The following SRP54 variants were observed in gnomAD, a reference collection of about 807,000 sequenced individuals.
The protein encoded by SRP54 is signal recognition particle subunit SRP54.
Under a neutral mutation model 64.8 loss-of-function variants are expected in SRP54, and 10 were observed. The ratio of observed to expected loss-of-function variants is 0.15; its 90% confidence interval spans 0.10 to 0.26. The LOEUF (loss-of-function observed/expected upper bound fraction) is 0.26. SRP54 is among the 10% of genes least tolerant of loss of function. SRP54 has a pLI of 1.00. For synonymous variants in SRP54, 193 were observed against 185.6 expected (o/e 1.04, Z -0.32); for missense variants, 325 against 613.7 (o/e 0.53, Z 4.97).
At chr14:35,016,966 T>C (rs2044454044) in intron 11 of SRP54, among the ~76,000 whole-genome samples, 1 of 151,072 alleles carries the variant, frequency 6.6e-6, no homozygotes, top group South Asian at 2.1e-4. Context: ...GCAGTTCTCC[T>C]GCCTCAGCCT....
At chr14:34,987,745 T>C (rs1319891827) in intron 1 of SRP54, among the ~76,000 whole-genome samples, 1 of 152,216 alleles carries the variant, frequency 6.6e-6, no homozygotes, top group Non-Finnish European at 1.5e-5. Flanking sequence ...TGACCATTCA[T>C]GTACAAGTAT....
intron 13 of SRP54, among the ~76,000 whole-genome samples, chr14:35,020,089 G>A (rs1462919669): frequency 6.6e-6 from 1 of 152,158 alleles, no homozygotes; most frequent in African/African-American, 2.4e-5. Flanking sequence ...GGAGGCTGAG[G>A]CAGGAGAATC....
Position 35,007,346 on chromosome 14 carries a change from G to A in SRP54, c.319G>A (p.Val107Ile). The change falls in exon 5 of 16, where the codon GTT (valine) becomes ATT (isoleucine). Residue 107 changes from valine to isoleucine, a missense_variant. This residue lies in a region of SRP54 where 156 missense variants were observed against 254.6 expected (regional missense o/e 0.61). Transcript: ENST00000216774. ...AGGAAAACAAAATGTGATTATGTTT[G>A]TTGGATTGCAAGGGAGTGGTAAAAC... is the stretch of plus-strand genomic sequence containing the variant. Reference protein sequence around the residue: ...TKGKQNVIMFVGLQGSGKTTT... With the variant: ...TKGKQNVIMFIGLQGSGKTTT... The A allele has an allele frequency of 6.3e-7, 1 of 1,596,148 alleles. No homozygotes were observed.
chr14:35,005,643 CCTT>C (rs1387941360), intron 4 of SRP54, among the ~76,000 whole-genome samples: 4 of 152,086 alleles, frequency 2.6e-5, no homozygotes, highest in African/African-American at 9.7e-5. Context: ...GAATCCTCCT[CCTT>C]TGTCCCCCCG....
At chr14:34,999,003 GTGTGTGTGTGGT>G (rs2044124789) in intron 2 of SRP54, among the ~76,000 whole-genome samples, 4 of 96,614 alleles carry the variant, frequency 4.1e-5, no homozygotes, top group African/African-American at 1.4e-4. Flanking sequence ...GTGTGTGTGT[GTGTGTGTGTGGT>G]TTTTTTTTTT....
intron 1 of SRP54, among the ~76,000 whole-genome samples, chr14:34,985,973 G>T (rs958457168): frequency 6.6e-6 from 1 of 151,574 alleles, no homozygotes; most frequent in Non-Finnish European, 1.5e-5. Context: ...CAATGTTAAG[G>T]CCAACTTTCC....
At position 34,986,544 on chromosome 14, in the gene SRP54, C is replaced by T. The variant is rs551476482; in HGVS notation, c.-34+3329C>T. 2.6e-5 allele frequency among the ~76,000 whole-genome samples: 4 copies of T among 152,178 alleles called. No homozygotes were observed. In the Middle Eastern group the frequency reaches 0.01, roughly 388 times the overall value. On this transcript the variant is annotated intron_variant, in intron 1 of 15. Coordinates refer to ENST00000216774, the MANE Select transcript of SRP54 (RefSeq NM_003136.4). The stretch of plus-strand genomic sequence containing the variant: ...TTCCCTTGACTTAAAAAATAGTGTT[C>T]TCAGTCATTACTAAAAAATTGGAAA...
intron 14 of SRP54, among the ~76,000 whole-genome samples, chr14:35,023,931 T>G (rs746388660): frequency 6.6e-6 from 1 of 152,200 alleles, no homozygotes; most frequent in Non-Finnish European, 1.5e-5. Flanking sequence ...GATCAGTTTT[T>G]GTGCAGTTCC....
chr14:35,021,101 G>A (rs75525058), intron 13 of SRP54, among the ~76,000 whole-genome samples: 5,688 of 152,256 alleles, frequency 0.037, 110 homozygotes, highest in South Asian at 0.067. Context: ...GGATTTGGAG[G>A]TTTTGATCGT....
intron 5 of SRP54, 42 bp downstream of exon 5, chr14:35,007,429 G>A (rs760698403): frequency 7.7e-7 from 1 of 1,298,648 alleles, no homozygotes; most frequent in Non-Finnish European, 1.0e-6. Flanking sequence ...ATGGAAGATA[G>A]GTTTGTATAA....
chr14:35,019,255 C>T (rs777236747), intron 13 of SRP54, 181 bp downstream of exon 13: 7 of 506,902 alleles, frequency 1.4e-5, no homozygotes, highest in Admixed American at 3.3e-5. Context: ...TTGCCTTCAT[C>T]GTTGAGAGAA....
chr14:35,012,029 C>G (rs952111505), intron 8 of SRP54, among the ~76,000 whole-genome samples: 2 of 151,888 alleles, frequency 1.3e-5, no homozygotes, highest in African/African-American at 4.8e-5. Context: ...TCAGCCTGGC[C>G]AACATGGTGA....
At chr14:34,999,004 T>TGC (rs1303501601) in intron 2 of SRP54, among the ~76,000 whole-genome samples, 1 of 81,766 alleles carries the variant, frequency 1.2e-5, no homozygotes, top group Admixed American at 1.3e-4. Flanking sequence ...TGTGTGTGTG[T>TGC]GTGTGTGTGG....
At chr14:35,020,004 A>C (rs975614771) in intron 13 of SRP54, among the ~76,000 whole-genome samples, 1 of 151,994 alleles carries the variant, frequency 6.6e-6, no homozygotes, top group Non-Finnish European at 1.5e-5. Flanking sequence ...CTAACATGGT[A>C]AAACCCCGTT....
intron 2 of SRP54, among the ~76,000 whole-genome samples, chr14:34,999,004 TG>T (rs58512722): frequency 6.1e-5 from 5 of 81,764 alleles, no homozygotes; most frequent in East Asian, 6.6e-4. Context: ...TGTGTGTGTG[TG>T]TGTGTGTGGT....
intron 8 of SRP54, among the ~76,000 whole-genome samples, chr14:35,012,750 A>G (rs2044374857): frequency 6.6e-6 from 1 of 152,038 alleles, no homozygotes; most frequent in South Asian, 2.1e-4. Flanking sequence ...TCTGTATCCC[A>G]TTTTCGTTGT....
intron 4 of SRP54, among the ~76,000 whole-genome samples, chr14:35,001,881 GAAAA>G (rs1008669418): frequency 1.3e-5 from 2 of 150,170 alleles, no homozygotes; most frequent in East Asian, 1.9e-4. Flanking sequence ...CTCAGTTGTA[GAAAA>G]AAAAAGAAAG....
intron 8 of SRP54, among the ~76,000 whole-genome samples, chr14:35,012,210 C>G (rs558126808): frequency 9.8e-4 from 113 of 115,890 alleles, no homozygotes; most frequent in African/African-American, 3.3e-3. Context: ...GAGCAAAACT[C>G]CATCTCCAAA....
chr14:35,012,202 GC>G (rs2044366692), intron 8 of SRP54, among the ~76,000 whole-genome samples: 1 of 115,066 alleles, frequency 8.7e-6, no homozygotes, highest in African/African-American at 3.4e-5. Flanking sequence ...GGCAACAAGA[GC>G]AAAACTCCAT....
Sources: allele counts gnomAD v4.1 joint callset (sites outside exome capture counted in the v4.1 genomes callset), GRCh38; gene constraint gnomAD v4.1.1; regional missense constraint gnomAD v4.1.1; transcripts MANE v1.5; gene names NCBI Gene and HGNC (gene_info 2026-07-23, HGNC 2026-07-21).